Variants in MMP26 observed in about 807,000 individuals in gnomAD.
MMP26 encodes matrix metallopeptidase 26.
A neutral mutation model predicts 31.0 loss-of-function variants in MMP26; 33 were observed. The observed-to-expected ratio is 1.06, with a 90% CI of 0.81 to 1.42. The LOEUF is 1.42. Ranked by LOEUF, MMP26 falls within the 40% of genes most tolerant of loss-of-function variation. The pLI, the probability that MMP26 is intolerant of heterozygous loss-of-function variation, is 0.00. For missense variants in MMP26, 347 were observed against 316.1 expected (o/e 1.10, Z -0.74); for synonymous variants, 122 against 114.9 (o/e 1.06, Z -0.40).
chr11:4,866,849 A>G (rs1850241669), intron 2 of MMP26, among the ~76,000 whole-genome samples: 4 of 152,186 alleles, frequency 2.6e-5, no homozygotes, highest in Admixed American at 2.6e-4. Flanking sequence ...TTCCCTATTT[A>G]ATAAATGGTG....
chr11:4,986,616 C>T (rs1484769347), intron 2 of MMP26, among the ~76,000 whole-genome samples: 2 of 141,276 alleles, frequency 1.4e-5, no homozygotes, highest in East Asian at 2.2e-4. Context: ...CTGCAACCTC[C>T]GCCTTCTGGG....
chr11:4,739,744 C>G (rs1027992883), intron 1 of MMP26, among the ~76,000 whole-genome samples: 16 of 151,832 alleles, frequency 1.1e-4, no homozygotes, highest in Non-Finnish European at 2.9e-5. Context: ...GCTGTCCAGT[C>G]TCAGCTTTTA....
intron 2 of MMP26, among the ~76,000 whole-genome samples, chr11:4,932,267 A>C (rs760525751): frequency 6.6e-6 from 1 of 152,118 alleles, no homozygotes; most frequent in Non-Finnish European, 1.5e-5. Flanking sequence ...CAAATTATGT[A>C]TCAATTGCCC....
intron 2 of MMP26, among the ~76,000 whole-genome samples, chr11:4,972,322 A>G (rs1225093261): frequency 1.3e-5 from 2 of 152,202 alleles, no homozygotes; most frequent in African/African-American, 4.8e-5. Context: ...ATTAGGTAGA[A>G]TTCCCATTGA....
intron 1 of MMP26, among the ~76,000 whole-genome samples, chr11:4,747,070 G>A (rs554948381): frequency 4.6e-5 from 7 of 152,208 alleles, no homozygotes; most frequent in South Asian, 4.1e-4. Flanking sequence ...GAGTAATTGC[G>A]GTAGGGTTCT....
In MMP26 at chr11:4,950,176, T is replaced by TA. The variant is rs1357089760; in HGVS notation, c.-144-37888dup. Among the ~76,000 whole-genome samples, 2 of 123,524 alleles carry TA rather than the reference T, an allele frequency of 1.6e-5. 1 individual carries two copies. The highest frequency in any genetic ancestry group is 3.7e-5 in the Non-Finnish European group (2 of 54,416). 81.0% of individuals were successfully genotyped at this position (123,524 alleles called of 152,430 possible). A position where few individuals can be genotyped will look rare whatever the true frequency, so the allele number is the denominator to read the frequency against. On this transcript the variant is annotated intron_variant, in intron 2 of 7. Coordinates refer to ENST00000380390, the MANE Select transcript of MMP26 (RefSeq NM_021801.5). Reference sequence around the variant, plus strand: ...GGACAATAGGCCTAAGTATTCAAGGTAAAACAAAAAATCTTGTAGAAAAAC... The same window carrying TA: ...GGACAATAGGCCTAAGTATTCAAGGTAAAAACAAAAAATCTTGTAGAAAAAC...
At chr11:4,729,698 G>A (rs1848147479) in intron 1 of MMP26, among the ~76,000 whole-genome samples, 1 of 152,004 alleles carries the variant, frequency 6.6e-6, no homozygotes, top group East Asian at 1.9e-4. Flanking sequence ...TATATTTAAT[G>A]ACTTCATGAT....
At chr11:4,955,930 C>CG (rs1846437216) in intron 2 of MMP26, among the ~76,000 whole-genome samples, 1 of 152,168 alleles carries the variant, frequency 6.6e-6, no homozygotes, top group East Asian at 1.9e-4. Flanking sequence ...TAGAATCTGT[C>CG]TATTAATGCA....
intron 2 of MMP26, among the ~76,000 whole-genome samples, chr11:4,936,710 T>C (rs1846118132): frequency 6.6e-6 from 1 of 152,150 alleles, no homozygotes; most frequent in African/African-American, 2.4e-5. Flanking sequence ...GCTAAGAATG[T>C]ACCCATGAGA....
chr11:4,879,880 C>T (rs571583987), intron 2 of MMP26, among the ~76,000 whole-genome samples: 1 of 152,246 alleles, frequency 6.6e-6, no homozygotes, highest in Non-Finnish European at 1.5e-5. Flanking sequence ...ACTCTTTCTG[C>T]TCTCCTAATC....
chr11:4,911,462 G>C (rs1159163557), intron 2 of MMP26, among the ~76,000 whole-genome samples: 1 of 152,066 alleles, frequency 6.6e-6, no homozygotes, highest in Non-Finnish European at 1.5e-5. Context: ...AGTGAGTGTT[G>C]AATACTGAAT....
chr11:4,918,876 C>A (rs141973172), intron 2 of MMP26, among the ~76,000 whole-genome samples: 1 of 152,194 alleles, frequency 6.6e-6, no homozygotes, highest in Non-Finnish European at 1.5e-5. Flanking sequence ...TACTTCCTAT[C>A]CATCTCCTTG....
chr11:4,964,292 G>T (rs1196041800), intron 2 of MMP26, among the ~76,000 whole-genome samples: 4 of 152,196 alleles, frequency 2.6e-5, no homozygotes, highest in African/African-American at 9.6e-5. Context: ...TTTATATATG[G>T]TGTAAGGGGG....
intron 1 of MMP26, chr11:4,718,529 A>C (rs1415032276): frequency 6.6e-6 from 1 of 152,354 alleles, no homozygotes; most frequent in Admixed American, 6.5e-5. Flanking sequence ...TTGGTGAAAT[A>C]ATTTCAGATT....
Position 4,954,272 on chromosome 11 carries a change from T to A in MMP26, c.-144-33796T>A, listed in dbSNP as rs1356284160. Reference sequence around the variant, plus strand: ...GCGGGGATTGGACTGAAAAACTATCTGTTGGGTACTATGCTCACTACCTGG... The same window carrying A: ...GCGGGGATTGGACTGAAAAACTATCAGTTGGGTACTATGCTCACTACCTGG... On this transcript the variant is annotated intron_variant, in intron 2 of 7. Transcript: ENST00000380390. 1.6e-5 allele frequency among the ~76,000 whole-genome samples: 2 copies of A among 123,872 alleles called. 1 individual carries two copies. Among genetic ancestry groups the A allele is most frequent in the African/African-American group, 5.5e-5 (2 of 36,300 alleles). 81.3% of individuals were successfully genotyped at this position (123,872 alleles called of 152,430 possible). A position where few individuals can be genotyped will look rare whatever the true frequency, so the allele number is the denominator to read the frequency against.
At chr11:4,907,436 G>A in intron 2 of MMP26, 1 of 1,613,868 alleles carries the variant, frequency 6.2e-7, no homozygotes, top group Non-Finnish European at 8.5e-7. Flanking sequence ...ACTGGAACAT[G>A]CCCACATTTG....
chr11:4,907,768 T>A (rs916826701), intron 2 of MMP26: 3 of 1,613,996 alleles, frequency 1.9e-6, no homozygotes, highest in Admixed American at 1.7e-5. Flanking sequence ...TAAGATACAG[T>A]TCTATCCTCA....
chr11:4,774,018 T>C (rs1360133463), intron 2 of MMP26, among the ~76,000 whole-genome samples: 1 of 152,236 alleles, frequency 6.6e-6, no homozygotes, highest in Non-Finnish European at 1.5e-5. Context: ...ATGTACCACA[T>C]TTTCTTTATC....
At chr11:4,878,108 T>C (rs948191687) in intron 2 of MMP26, 2 of 152,164 alleles carry the variant, frequency 1.3e-5, no homozygotes, top group African/African-American at 2.4e-5. Flanking sequence ...TGATTGTTTT[T>C]CCAGAGTGGC....
Sources: gnomAD v4.1 joint callset for allele counts (sites outside exome capture counted in the v4.1 genomes callset) on GRCh38, gnomAD v4.1.1 for gene constraint, MANE v1.5 for transcripts, NCBI Gene and HGNC (gene_info 2026-07-23, HGNC 2026-07-21) for gene names.